The following CLMN variants were observed in gnomAD, a reference collection of about 807,000 sequenced individuals.
CLMN encodes the protein calmin.
CLMN carries 57 observed loss-of-function variants against 92.7 expected under a neutral mutation model. The observed-to-expected ratio is 0.61, with a 90% CI of 0.50 to 0.77. The LOEUF (loss-of-function observed/expected upper bound fraction) is 0.77, where lower values mean the gene tolerates loss of function less well. Ranked by LOEUF, CLMN falls within the 30% of genes least tolerant of loss-of-function variation. The probability of loss-of-function intolerance (pLI) is 0.00; values close to 1 mark genes in which losing one functional copy is unlikely to be tolerated. For synonymous variants in CLMN, 466 were observed against 470.6 expected, an observed-to-expected ratio of 0.99 and a Z score of 0.13; for missense variants, 1,158 against 1,237.5, an observed-to-expected ratio of 0.94 and a Z score of 0.96.
chr14:95,308,881 A>G (rs1199569815), intron 1 of CLMN, among the ~76,000 whole-genome samples: 1 of 152,196 alleles, frequency 6.6e-6, no homozygotes, highest in African/African-American at 2.4e-5. Context: ...TATATTTGGA[A>G]TATTACTGGA....
rs749536553 is a variant in CLMN at position 95,289,466 on chromosome 14, AAAATAAATAAAT to A, written c.82+30233_82+30244del. ...TTGACAGAGCAAGACTCTGTCTCAA[AAAATAAATAAAT>A]AAATAAATAAATAAATAAATAAATA... is the stretch of plus-strand genomic sequence containing the variant. On this transcript the variant is annotated intron_variant, in intron 1 of 12. Coordinates refer to ENST00000298912, the MANE Select transcript of CLMN (RefSeq NM_024734.4). Among the ~76,000 whole-genome samples, 1,178 of 139,576 alleles carry A rather than the reference AAAATAAATAAAT, an allele frequency of 8.4e-3. 13 individuals are homozygous for A. Among genetic ancestry groups the A allele is most frequent in the African/African-American group, 0.029 (1,085 of 37,342 alleles). The allele number at this position is 139,576 out of a possible 152,430, so 91.6% of individuals were successfully genotyped here. A position where few individuals can be genotyped will look rare whatever the true frequency, so the allele number is the denominator to read the frequency against.
intron 8 of CLMN, among the ~76,000 whole-genome samples, chr14:95,206,738 T>C (rs1165168494): frequency 6.6e-6 from 1 of 152,228 alleles, no homozygotes; most frequent in Admixed American, 6.5e-5. Flanking sequence ...CTCAATCTTT[T>C]CCCATCTGCA....
intron 10 of CLMN, among the ~76,000 whole-genome samples, chr14:95,195,355 C>G (rs75462804): frequency 6.6e-6 from 1 of 152,164 alleles, no homozygotes; most frequent in Non-Finnish European, 1.5e-5. Flanking sequence ...GGGACAGGCA[C>G]GCTGGGAGTC....
Position 95,202,903 on chromosome 14 carries a change from G to A in CLMN, c.2446C>T (p.Leu816=). ...TGCTGGTGGTCCTCATGGGGGGCCA[G>A]TGGAGCGGGTTCTGAGGCTGGTGTG... is the stretch of plus-strand genomic sequence containing the variant. ...GTTPASEPAP[L]APHEDHQQRE... Residue 816 remains leucine (L), a synonymous_variant, in exon 9 of 13, where the codon CTG becomes TTG. Transcript: ENST00000298912. 5 of 1,585,280 alleles carry A rather than the reference G, an allele frequency of 3.2e-6. No homozygotes were observed. The highest frequency in any genetic ancestry group is 4.3e-6 in the Non-Finnish European group (5 of 1,169,764).
In CLMN at chr14:95,191,570, C is replaced by T. The variant is rs746062175; in HGVS notation, c.3003G>A (p.Arg1001=). 4 of 1,611,614 alleles carry T rather than the reference C, an allele frequency of 2.5e-6. No homozygotes were observed. In the South Asian group the frequency reaches 4.4e-5, roughly 18 times the overall value. The change falls in exon 13 of 13, where the codon AGG becomes AGA. Residue 1001 remains arginine (R), a synonymous_variant. Transcript: ENST00000298912. The surrounding 1 kb of genome is among the most constrained non-coding windows in gnomAD (Gnocchi z 5.3). ...TATTATCCAGACACACGTATCAGAG[C>T]CTGCTAACATCCAGTTGTGGGAAGA... ...LLLFPQLDVS[R]L is the part of the protein sequence containing the mutation.
intron 2 of CLMN, among the ~76,000 whole-genome samples, chr14:95,225,827 T>G (rs1897694062): frequency 6.6e-6 from 1 of 152,202 alleles, no homozygotes. Flanking sequence ...GGCTTTCCTC[T>G]CTGGGCCTAG....
At chr14:95,247,399 C>T (rs751210438) in intron 1 of CLMN, among the ~76,000 whole-genome samples, 1 of 152,204 alleles carries the variant, frequency 6.6e-6, no homozygotes, top group Non-Finnish European at 1.5e-5. Context: ...ATCTGATTGG[C>T]CCCTGGGAAG....
At chr14:95,302,389 T>G (rs750333413) in intron 1 of CLMN, among the ~76,000 whole-genome samples, 3 of 152,132 alleles carry the variant, frequency 2.0e-5, no homozygotes, top group Non-Finnish European at 1.5e-5. Context: ...AGCCTAGACC[T>G]AGTCCTGATG....
chr14:95,305,428 G>A (rs1403113564), intron 1 of CLMN, among the ~76,000 whole-genome samples: 2 of 152,194 alleles, frequency 1.3e-5, no homozygotes, highest in Non-Finnish European at 2.9e-5. Flanking sequence ...AGGCTTCTTT[G>A]AAGAATAAGA....
intron 8 of CLMN, 133 bp from the exon 9 acceptor site, chr14:95,204,596 A>G (rs1896995805): frequency 1.2e-6 from 1 of 842,766 alleles, no homozygotes; most frequent in Non-Finnish European, 1.7e-6. Context: ...ACAAACAAAC[A>G]AAAATGGAAA....
chr14:95,280,256 A>G (rs1783585012), intron 1 of CLMN, among the ~76,000 whole-genome samples: 2 of 152,228 alleles, frequency 1.3e-5, no homozygotes. Flanking sequence ...TTATGGTCAA[A>G]CTGATTAAAG....
chr14:95,194,435 G>T lies in CLMN; in HGVS notation c.2769+101C>A, dbSNP rs557568054. 7.8e-5 allele frequency: 125 copies of T among 1,593,270 alleles called. No homozygotes were observed. In the South Asian group the frequency reaches 1.4e-3, roughly 18 times the overall value. On this transcript the variant is annotated intron_variant, in intron 11 of 12. Transcript: ENST00000298912. This position sits in a 1 kb window ranked among gnomAD's most constrained non-coding sequence, Gnocchi z 4.0. ...TCTTCTATCCAAAAGTATAGCTGTT[G>T]CATGCCAGTAATTTCAAAGCTCTGG...
chr14:95,314,526 T>C (rs1322201509), intron 1 of CLMN, among the ~76,000 whole-genome samples: 1 of 152,044 alleles, frequency 6.6e-6, no homozygotes, highest in Non-Finnish European at 1.5e-5. Flanking sequence ...GAGCCCCAGA[T>C]AATCCAACCC....
chr14:95,275,399 T>C (rs192879462), intron 1 of CLMN, among the ~76,000 whole-genome samples: 105 of 152,260 alleles, frequency 6.9e-4, no homozygotes, highest in Non-Finnish European at 1.2e-3. Flanking sequence ...TGACTGCTCA[T>C]TAGATGCTAA....
At chr14:95,224,908 G>C (rs1156772465) in intron 2 of CLMN, among the ~76,000 whole-genome samples, 1 of 152,150 alleles carries the variant, frequency 6.6e-6, no homozygotes, top group African/African-American at 2.4e-5. Context: ...GCCAGGAAAG[G>C]GGGCTGGTGT....
chr14:95,190,973 T>G lies in CLMN; in HGVS notation c.*591A>C, dbSNP rs1318583145. ...GCTCTCAACACAGCTTTCACCTTCC[T>G]CCCTGGATTCTGCCATTCCTGGATG... is the stretch of plus-strand genomic sequence containing the variant. On this transcript the variant is annotated 3_prime_UTR_variant, in exon 13 of 13. Transcript: ENST00000298912. The G allele has an allele frequency of 6.6e-6, 1 of 152,232 alleles. No homozygotes were observed. Among genetic ancestry groups the G allele is most frequent in the African/African-American group, 2.4e-5 (1 of 41,458 alleles). 9.4% of individuals were successfully genotyped at this position (152,232 alleles called of 1,614,324 possible). A position where few individuals can be genotyped will look rare whatever the true frequency, so the allele number is the denominator to read the frequency against.
intron 1 of CLMN, among the ~76,000 whole-genome samples, chr14:95,251,743 G>A (rs1898793827): frequency 6.6e-6 from 1 of 152,232 alleles, no homozygotes; most frequent in South Asian, 2.1e-4. Flanking sequence ...GAATTGTGGG[G>A]CCTTTGCTGG....
intron 1 of CLMN, among the ~76,000 whole-genome samples, chr14:95,232,142 C>T (rs901987891): frequency 3.9e-5 from 6 of 152,220 alleles, no homozygotes; most frequent in African/African-American, 1.4e-4. Flanking sequence ...CTTGGGCCCT[C>T]GAGCACCCGG....
chr14:95,207,166 T>C (rs1460744332), intron 8 of CLMN, among the ~76,000 whole-genome samples: 2 of 152,232 alleles, frequency 1.3e-5, no homozygotes, highest in Admixed American at 1.3e-4. Context: ...CATTGTAAAA[T>C]GATCAAATCT....
Sources: gnomAD v4.1 joint callset for allele counts (sites outside exome capture counted in the v4.1 genomes callset) on GRCh38, gnomAD v4.1.1 for gene constraint, Gnocchi (gnomAD v3.1) non-coding constraint, MANE v1.5 for transcripts, NCBI Gene and HGNC (gene_info 2026-07-23, HGNC 2026-07-21) for gene names.